Variants in MAP1B observed in about 807,000 individuals in gnomAD.
MAP1B encodes microtubule associated protein 1B.
MAP1B carries 12 observed loss-of-function variants against 176.1 expected under a neutral mutation model. That is an observed-to-expected ratio of 0.07 (90% CI 0.04 to 0.11). MAP1B has a LOEUF of 0.11. Among genes scored for constraint, MAP1B ranks in the 10% least tolerant of loss-of-function variants. The pLI, the probability that MAP1B is intolerant of heterozygous loss-of-function variation, is 1.00. For missense variants in MAP1B, 2,523 were observed against 2,990.5 expected (o/e 0.84, Z 3.65); for synonymous variants, 1,044 against 1,135.0 (o/e 0.92, Z 1.61).
At chr5:72,117,807 C>T (rs146442239) in intron 2 of MAP1B, among the ~76,000 whole-genome samples, 110 of 152,334 alleles carry the variant, frequency 7.2e-4, no homozygotes, top group Non-Finnish European at 1.1e-3. Flanking sequence ...GTACGCTTTA[C>T]AGGCCAAGGC....
chr5:72,196,726 T>A lies in MAP1B; in HGVS notation c.3371T>A (p.Ile1124Asn), dbSNP rs1421365524. ...ACCTCTGGCTACACTCAGTCTACTA[T>A]TGAGATATCCAGTGAGCCCACCCCC... ...TATSGYTQST[I>N]EISSEPTPMD... The change falls in exon 5 of 7, where the codon ATT becomes AAT. Residue 1124 changes from isoleucine (I) to asparagine (N), a missense_variant. Ile to Asn is a moderately radical substitution (Grantham distance 149). This residue lies in a region of MAP1B where 1,925 missense variants were observed against 2,126.0 expected (regional missense o/e 0.91). Transcript: ENST00000296755. The surrounding 1 kb of genome is among the most constrained non-coding windows in gnomAD (Gnocchi z 5.3). 6.2e-7 allele frequency: 1 copy of A among 1,614,026 alleles called. No individual in the cohort carries two copies. Among genetic ancestry groups the A allele is most frequent in the Non-Finnish European group, 8.5e-7 (1 of 1,180,022 alleles).
intron 3 of MAP1B, among the ~76,000 whole-genome samples, chr5:72,184,936 C>T (rs1351308455): frequency 6.6e-6 from 1 of 152,316 alleles, no homozygotes; most frequent in East Asian, 1.9e-4. Context: ...ATACGTCTAT[C>T]ACGCCCCAAA....
rs1284513093 is a variant in MAP1B, at chr5:72,115,693, C to T, written c.185-5C>T. ...TCTCTCAACTGTCTTTCTTTCCCTCCCTAGGAATCCGATCATGGGACACAA... is the reference window on the plus strand; with the variant it reads ...TCTCTCAACTGTCTTTCTTTCCCTCTCTAGGAATCCGATCATGGGACACAA... On this transcript the variant is annotated splice_polypyrimidine_tract_variant and splice_region_variant and intron_variant, in intron 1 of 6. Transcript: ENST00000296755. 1 of 1,570,456 alleles carries T rather than the reference C, an allele frequency of 6.4e-7. No individual in the cohort carries two copies. Among genetic ancestry groups the T allele is most frequent in the South Asian group, 1.1e-5 (1 of 90,220 alleles).
intron 2 of MAP1B, chr5:72,116,463 C>T (rs1561289563): frequency 2.4e-6 from 1 of 418,876 alleles, no homozygotes; most frequent in East Asian, 7.6e-5. Flanking sequence ...GGTAAGGATG[C>T]AAAAATTTGT....
chr5:72,145,466 TA>T (rs1402151146), intron 2 of MAP1B, among the ~76,000 whole-genome samples: 8 of 152,320 alleles, frequency 5.3e-5, no homozygotes, highest in African/African-American at 1.7e-4. Flanking sequence ...ATGGTGGTCT[TA>T]AAAGCTTGCT....
At chr5:72,117,716 C>T (rs1363721841) in intron 2 of MAP1B, among the ~76,000 whole-genome samples, 2 of 152,176 alleles carry the variant, frequency 1.3e-5, no homozygotes. Flanking sequence ...TGGAGATTGG[C>T]CTTTGGACAC....
chr5:72,108,313 C>G (rs968738661), intron 1 of MAP1B, among the ~76,000 whole-genome samples: 2 of 151,754 alleles, frequency 1.3e-5, no homozygotes, highest in African/African-American at 4.8e-5. Context: ...CGGGGAGATG[C>G]TGGGATGCAG....
intron 6 of MAP1B, 107 bp downstream of exon 6, chr5:72,203,908 C>T: frequency 1.1e-6 from 1 of 901,648 alleles, no homozygotes; most frequent in Non-Finnish European, 1.7e-6. Context: ...CGTGGATCCA[C>T]ATGAGGTGCC....
Position 72,199,412 on chromosome 5 carries a change from G to A in MAP1B, c.6057G>A (p.Glu2019=). Residue 2019 remains glutamate (E), a synonymous_variant, in exon 5 of 7, where the codon GAG becomes GAA. Transcript: ENST00000296755. The surrounding 1 kb of genome is among the most constrained non-coding windows in gnomAD (Gnocchi z 4.2). ...CTGAGAAAATTACCAGTTTCCCTGA[G>A]TCTGAAGGTTATTCCTATGAGACAT... ...ETTEKITSFP[E]SEGYSYETST... The A allele has an allele frequency of 6.2e-7, 1 of 1,614,098 alleles. No individual in the cohort carries two copies. The highest frequency in any genetic ancestry group is 8.5e-7 in the Non-Finnish European group (1 of 1,180,028).
At chr5:72,182,346 C>G (rs1032082202) in intron 2 of MAP1B, among the ~76,000 whole-genome samples, 4 of 152,092 alleles carry the variant, frequency 2.6e-5, no homozygotes, top group Non-Finnish European at 5.9e-5. Flanking sequence ...CCTTTTGTGT[C>G]TGGCTTATTT....
At chr5:72,110,014 C>A (rs1431203691) in intron 1 of MAP1B, among the ~76,000 whole-genome samples, 4 of 152,212 alleles carry the variant, frequency 2.6e-5, no homozygotes, top group African/African-American at 9.6e-5. Context: ...TGCCTTTACT[C>A]GTTTTTACAC....
intron 1 of MAP1B, among the ~76,000 whole-genome samples, chr5:72,110,449 A>G (rs1745309363): frequency 6.6e-6 from 1 of 152,190 alleles, no homozygotes; most frequent in Non-Finnish European, 1.5e-5. Flanking sequence ...TTCCAGCGCT[A>G]AGTGAAAATC....
intron 1 of MAP1B, among the ~76,000 whole-genome samples, chr5:72,115,218 C>T (rs1745411228): frequency 6.6e-6 from 1 of 152,176 alleles, no homozygotes; most frequent in South Asian, 2.1e-4. Flanking sequence ...ACCAGAACAT[C>T]ATTTTAGAAA....
At chr5:72,136,689 A>C (rs1579990135) in intron 2 of MAP1B, among the ~76,000 whole-genome samples, 2 of 152,272 alleles carry the variant, frequency 1.3e-5, no homozygotes, top group South Asian at 2.1e-4. Flanking sequence ...ATTGTTGGCC[A>C]GCCACTCCCT....
rs143953457 is a variant in MAP1B, at chr5:72,197,388, T to G, written c.4033T>G (p.Ser1345Ala). The G allele has an allele frequency of 6.1e-5, 98 of 1,614,128 alleles. No individual in the cohort carries two copies. In the African/African-American group the frequency reaches 1.0e-3, roughly 17 times the overall value. Residue 1345 changes from serine (S) to alanine (A), a missense_variant, in exon 5 of 7, where the codon TCC becomes GCC. By Grantham distance (99) the Ser-to-Ala change is moderately conservative. This residue lies in a region of MAP1B where 1,925 missense variants were observed against 2,126.0 expected (regional missense o/e 0.91). Coordinates refer to ENST00000296755, the MANE Select transcript of MAP1B (RefSeq NM_005909.5). ...CTATCAATCTCCTACTGACGAGAAA[T>G]CCAGTCATCTCCCTACAGAAGTCAT... ...PYYQSPTDEK[S>A]SHLPTEVIEK...
intron 2 of MAP1B, among the ~76,000 whole-genome samples, chr5:72,180,163 G>C (rs963389732): frequency 3.3e-5 from 5 of 152,154 alleles, no homozygotes; most frequent in Admixed American, 2.0e-4. Flanking sequence ...AAAGAAAGAG[G>C]CTGGGATTTC....
intron 2 of MAP1B, among the ~76,000 whole-genome samples, chr5:72,155,893 A>C (rs1746222362): frequency 1.3e-5 from 2 of 151,274 alleles, no homozygotes; most frequent in South Asian, 4.2e-4. Flanking sequence ...TAGCCTCCCA[A>C]GTAGCTGGGA....
At position 72,205,347 on chromosome 5, in the gene MAP1B, A is replaced by C; in HGVS notation, c.*108A>C. On this transcript the variant is annotated 3_prime_UTR_variant, in exon 7 of 7. Coordinates refer to ENST00000296755, the MANE Select transcript of MAP1B (RefSeq NM_005909.5). Reference sequence around the variant, plus strand: ...ATTCATCTAGTTAAGTCGCTGAACAATTACCTGCCAAATGCTATACTGTGT... The same window carrying C: ...ATTCATCTAGTTAAGTCGCTGAACACTTACCTGCCAAATGCTATACTGTGT... 1.8e-6 allele frequency: 2 copies of C among 1,114,076 alleles called. No individual in the cohort carries two copies. Among genetic ancestry groups the C allele is most frequent in the Non-Finnish European group, 1.3e-6 (1 of 770,908 alleles). The allele number at this position is 1,114,076 out of a possible 1,614,324, so 69.0% of individuals were successfully genotyped here. A position where few individuals can be genotyped will look rare whatever the true frequency, so the allele number is the denominator to read the frequency against.
In MAP1B at chr5:72,206,000, T is replaced by A. The variant is rs370977222; in HGVS notation, c.*761T>A. Reference sequence around the variant, plus strand: ...GGCCATGCAAGTGGTTTGGGCCCCATTCAGAACTCTCAGACTCTAAACACA... The same window carrying A: ...GGCCATGCAAGTGGTTTGGGCCCCAATCAGAACTCTCAGACTCTAAACACA... On this transcript the variant is annotated 3_prime_UTR_variant, in exon 7 of 7. Transcript: ENST00000296755. 1 of 152,522 alleles carries A rather than the reference T, an allele frequency of 6.6e-6. No individual in the cohort carries two copies. The highest frequency in any genetic ancestry group is 1.5e-5 in the Non-Finnish European group (1 of 68,032). The allele number at this position is 152,522 out of a possible 1,614,324, so 9.4% of individuals were successfully genotyped here.
Sources: gnomAD v4.1 joint callset for allele counts (sites outside exome capture counted in the v4.1 genomes callset) on GRCh38, gnomAD v4.1.1 for gene constraint, gnomAD v4.1.1 regional missense constraint, Gnocchi (gnomAD v3.1) non-coding constraint, MANE v1.5 for transcripts, NCBI Gene and HGNC (gene_info 2026-07-23, HGNC 2026-07-21) for gene names.